SCAMP1: variants seen among roughly 807,000 people sequenced by gnomAD.
SCAMP1 encodes secretory carrier-associated membrane protein 1.
SCAMP1 carries 15 observed loss-of-function variants against 41.8 expected under a neutral mutation model. That is an observed-to-expected ratio of 0.36 (90% CI 0.24 to 0.55). The LOEUF (loss-of-function observed/expected upper bound fraction) is 0.55, where lower values mean the gene tolerates loss of function less well. SCAMP1 is among the 20% of genes least tolerant of loss of function. The probability of loss-of-function intolerance (pLI) is 0.86; values close to 1 mark genes in which losing one functional copy is unlikely to be tolerated. For missense variants in SCAMP1, 341 were observed against 412.6 expected (o/e 0.83, Z 1.50); for synonymous variants, 135 against 136.8 (o/e 0.99, Z 0.09).
chr5:78,391,168 T>C (rs1357948555), intron 2 of SCAMP1, among the ~76,000 whole-genome samples: 7 of 151,892 alleles, frequency 4.6e-5, no homozygotes, highest in Middle Eastern at 3.2e-3. Context: ...AGCTGTTGGG[T>C]ACACCTCCCA....
intron 1 of SCAMP1, among the ~76,000 whole-genome samples, chr5:78,384,208 AG>A (rs1751285856): frequency 7.8e-6 from 1 of 127,572 alleles, no homozygotes; most frequent in Non-Finnish European, 1.6e-5. Flanking sequence ...CTATTTTAAA[AG>A]GGGTGGAGTT....
chr5:78,462,727 G>T (rs1753647693), intron 8 of SCAMP1, among the ~76,000 whole-genome samples: 1 of 151,946 alleles, frequency 6.6e-6, no homozygotes, highest in African/African-American at 2.4e-5. Flanking sequence ...GAATTCCCAT[G>T]TCTGTTTTCA....
chr5:78,419,523 G>T (rs1752288610), intron 5 of SCAMP1, among the ~76,000 whole-genome samples: 1 of 152,158 alleles, frequency 6.6e-6, no homozygotes, highest in East Asian at 1.9e-4. Context: ...AAAATGTCAA[G>T]CCGTTAACAG....
chr5:78,381,143 C>T (rs78683681), intron 1 of SCAMP1, among the ~76,000 whole-genome samples: 2,977 of 152,158 alleles, frequency 0.02, 113 homozygotes, highest in African/African-American at 0.067. Context: ...TGAAGATTAT[C>T]ATCGTTCAGG....
intron 8 of SCAMP1, among the ~76,000 whole-genome samples, chr5:78,468,519 A>C (rs539794776): frequency 6.6e-6 from 1 of 152,258 alleles, no homozygotes; most frequent in Non-Finnish European, 1.5e-5. Flanking sequence ...TTAATATGGA[A>C]GTAATTAATA....
At chr5:78,391,095 C>A (rs1751481166) in intron 2 of SCAMP1, among the ~76,000 whole-genome samples, 1 of 118,216 alleles carries the variant, frequency 8.5e-6, no homozygotes, top group South Asian at 2.4e-4. Flanking sequence ...TCAATCTTTT[C>A]CCCACCTTTC....
chr5:78,375,632 A>C (rs1751047602), intron 1 of SCAMP1, among the ~76,000 whole-genome samples: 1 of 152,208 alleles, frequency 6.6e-6, no homozygotes, highest in Admixed American at 6.5e-5. Flanking sequence ...AAAAGTGTGA[A>C]GGAACTAATG....
intron 6 of SCAMP1, among the ~76,000 whole-genome samples, chr5:78,431,044 C>A (rs1313511317): frequency 6.6e-6 from 1 of 151,902 alleles, no homozygotes; most frequent in Non-Finnish European, 1.5e-5. Context: ...TAGGTTCCTC[C>A]CTTTTCTAAC....
At chr5:78,430,083 CAGTA>C (rs1215895117) in intron 6 of SCAMP1, among the ~76,000 whole-genome samples, 3 of 95,068 alleles carry the variant, frequency 3.2e-5, no homozygotes, top group African/African-American at 1.3e-4. Flanking sequence ...TTTATAAATA[CAGTA>C]TTTATTTATA....
In SCAMP1 at chr5:78,478,348, GTA is replaced by G. The variant is rs1754052874; in HGVS notation, c.*2685_*2686del. The G allele has an allele frequency of 6.6e-6, 1 of 152,580 alleles. No homozygotes were observed. The allele number at this position is 152,580 out of a possible 1,614,324, so 9.5% of individuals were successfully genotyped here. A position where few individuals can be genotyped will look rare whatever the true frequency, so the allele number is the denominator to read the frequency against. ...AGACAGACATTGTTAAAGGTTTGAT[GTA>G]TATAGAAATTCCATGTTTGATTTTT... On this transcript the variant is annotated 3_prime_UTR_variant, in exon 9 of 9. Transcript: ENST00000621999.
At chr5:78,398,406 C>T (rs142763086) in intron 2 of SCAMP1, among the ~76,000 whole-genome samples, 110 of 119,918 alleles carry the variant, frequency 9.2e-4, no homozygotes, top group African/African-American at 3.3e-3. Context: ...ACTTTGTTGC[C>T]CAGGCTTCAG....
chr5:78,419,264 C>T (rs1752281777), intron 5 of SCAMP1, among the ~76,000 whole-genome samples: 1 of 152,076 alleles, frequency 6.6e-6, no homozygotes, highest in African/African-American at 2.4e-5. Flanking sequence ...AGAGGAAGGC[C>T]ATTTAAAAGA....
rs566641200 is a variant in SCAMP1 at position 78,422,025 on chromosome 5, A to G, written c.632+65A>G. 11 of 1,348,738 alleles carry G rather than the reference A, an allele frequency of 8.2e-6. No individual in the cohort carries two copies. The East Asian group carries it at 1.6e-4, about 20-fold the overall frequency. 83.5% of individuals were successfully genotyped at this position (1,348,738 alleles called of 1,614,324 possible). On this transcript the variant is annotated intron_variant, in intron 6 of 8. Coordinates refer to ENST00000621999, the MANE Select transcript of SCAMP1 (RefSeq NM_004866.6). ...GTGAAGTAAATAATTCGTAGTATAC[A>G]TTAAAGGGAAAATTGATGCATTTTC...
chr5:78,435,603 A>G (rs1435031888), intron 6 of SCAMP1, among the ~76,000 whole-genome samples: 2 of 152,040 alleles, frequency 1.3e-5, no homozygotes, highest in Admixed American at 6.6e-5. Context: ...TATGTGCCAC[A>G]TTTTCTTAAT....
chr5:78,457,310 G>C (rs1484860862), intron 7 of SCAMP1, among the ~76,000 whole-genome samples: 1 of 152,140 alleles, frequency 6.6e-6, no homozygotes, highest in Non-Finnish European at 1.5e-5. Flanking sequence ...CCCCGTCTTT[G>C]TGGTTTTATC....
At chr5:78,414,674 C>G (rs1470697690) in intron 2 of SCAMP1, among the ~76,000 whole-genome samples, 1 of 152,184 alleles carries the variant, frequency 6.6e-6, no homozygotes, top group Non-Finnish European at 1.5e-5. Context: ...GTAATTTAAC[C>G]AATCCCCCAT....
chr5:78,414,836 T>C (rs932935711), intron 2 of SCAMP1, among the ~76,000 whole-genome samples: 1 of 152,216 alleles, frequency 6.6e-6, no homozygotes, highest in Non-Finnish European at 1.5e-5. Flanking sequence ...CCAAGAACTT[T>C]CCTGTATACT....
chr5:78,422,281 C>T (rs1424458174), intron 6 of SCAMP1, among the ~76,000 whole-genome samples: 1 of 149,700 alleles, frequency 6.7e-6, no homozygotes, highest in East Asian at 1.9e-4. Context: ...GTTTGCCCAC[C>T]CCACCTCCCA....
chr5:78,458,773 A>G (rs963539478), intron 7 of SCAMP1, among the ~76,000 whole-genome samples: 3 of 152,232 alleles, frequency 2.0e-5, no homozygotes, highest in East Asian at 1.9e-4. Context: ...CCAGCTACTC[A>G]GGAGGCTGAG....
Sources: allele counts gnomAD v4.1 joint callset (sites outside exome capture counted in the v4.1 genomes callset), GRCh38; gene constraint gnomAD v4.1.1; transcripts MANE v1.5; gene names NCBI Gene and HGNC (gene_info 2026-07-23, HGNC 2026-07-21).